Variants in SEZ6L observed in about 807,000 individuals in gnomAD.
The protein encoded by SEZ6L is seizure related 6 homolog like.
SEZ6L carries 37 observed loss-of-function variants against 106.2 expected under a neutral mutation model. That is an observed-to-expected ratio of 0.35 (90% CI 0.27 to 0.46). The LOEUF is 0.46. Ranked by LOEUF, SEZ6L falls within the 20% of genes least tolerant of loss-of-function variation. The pLI is 1.00. For missense variants in SEZ6L, 1,172 were observed against 1,332.8 expected, an observed-to-expected ratio of 0.88 and a Z score of 1.88; for synonymous variants, 541 against 570.4, an observed-to-expected ratio of 0.95 and a Z score of 0.73.
At chr22:26,327,625 AACAC>A (rs1323671734) in intron 9 of SEZ6L, among the ~76,000 whole-genome samples, 1 of 143,654 alleles carries the variant, frequency 7.0e-6, no homozygotes, top group Non-Finnish European at 1.5e-5. Context: ...CATGACACTA[AACAC>A]ACACCACACG....
Position 26,328,501 on chromosome 22 carries a change from C to G in SEZ6L, c.2016-11935C>G, listed in dbSNP as rs547622203. On this transcript the variant is annotated intron_variant, in intron 9 of 16. Transcript: ENST00000248933. ...GCTGCCTCTTGTGCTGGAGGTGAAA[C>G]ACCAGGGTAGTTAAGGACAGCCGTC... Among the ~76,000 whole-genome samples the G allele has an allele frequency of 2.0e-3, 308 of 152,238 alleles. 3 individuals are homozygous for G. Among genetic ancestry groups the G allele is most frequent in the African/African-American group, 6.9e-3 (287 of 41,534 alleles).
chr22:26,200,837 C>G (rs1038176373), intron 1 of SEZ6L, among the ~76,000 whole-genome samples: 1 of 152,170 alleles, frequency 6.6e-6, no homozygotes, highest in African/African-American at 2.4e-5. Flanking sequence ...TACAATCGCT[C>G]TCTGCTTGAA....
chr22:26,320,613 G>A (rs1601491926), intron 9 of SEZ6L, among the ~76,000 whole-genome samples: 1 of 152,214 alleles, frequency 6.6e-6, no homozygotes, highest in Non-Finnish European at 1.5e-5. Context: ...CAAGACAGAT[G>A]CAGCCCCGCC....
At chr22:26,346,589 C>T (rs2083015295) in intron 10 of SEZ6L, among the ~76,000 whole-genome samples, 1 of 152,164 alleles carries the variant, frequency 6.6e-6, no homozygotes, top group Non-Finnish European at 1.5e-5. Flanking sequence ...TCATGAGGCT[C>T]TGGTCAGGAT....
At chr22:26,228,447 T>G (rs76856893) in intron 1 of SEZ6L, among the ~76,000 whole-genome samples, 6,687 of 152,258 alleles carry the variant, frequency 0.044, 221 homozygotes, top group Non-Finnish European at 0.065. Context: ...CTGTGCCATT[T>G]GTCACTCCAC....
chr22:26,195,804 G>A (rs546841767), intron 1 of SEZ6L, among the ~76,000 whole-genome samples: 2,102 of 151,768 alleles, frequency 0.014, 45 homozygotes, highest in African/African-American at 0.047. Flanking sequence ...TATATATATA[G>A]TTTGTGTGTG....
At chr22:26,287,565 T>G (rs2080977810) in intron 1 of SEZ6L, among the ~76,000 whole-genome samples, 1 of 152,102 alleles carries the variant, frequency 6.6e-6, no homozygotes, top group Non-Finnish European at 1.5e-5. Flanking sequence ...TGGGGCAAGT[T>G]ATAAAGTTGC....
intron 1 of SEZ6L, among the ~76,000 whole-genome samples, chr22:26,218,761 ACT>A (rs1196017485): frequency 1.3e-5 from 2 of 152,102 alleles, no homozygotes; most frequent in African/African-American, 4.8e-5. Flanking sequence ...ACATGGTGAA[ACT>A]CTGTCTCTAC....
intron 1 of SEZ6L, among the ~76,000 whole-genome samples, chr22:26,212,003 G>A (rs1348733897): frequency 2.0e-5 from 3 of 152,010 alleles, no homozygotes; most frequent in African/African-American, 7.2e-5. Context: ...TAGACCTGAT[G>A]GCTGGGAAAG....
chr22:26,358,065 G>A (rs1022030271), intron 12 of SEZ6L, among the ~76,000 whole-genome samples: 3 of 152,182 alleles, frequency 2.0e-5, no homozygotes, highest in Non-Finnish European at 2.9e-5. Flanking sequence ...TGGCCAGACT[G>A]TGGCCACCGT....
chr22:26,295,988 G>T (rs2081290190), intron 3 of SEZ6L, among the ~76,000 whole-genome samples: 1 of 152,114 alleles, frequency 6.6e-6, no homozygotes, highest in African/African-American at 2.4e-5. Context: ...AAGATATAGG[G>T]CCTGAAGGAA....
intron 5 of SEZ6L, among the ~76,000 whole-genome samples, chr22:26,300,207 G>C (rs937711665): frequency 1.3e-5 from 2 of 152,036 alleles, no homozygotes; most frequent in African/African-American, 2.4e-5. Context: ...ACAACGTGCA[G>C]GTTTGTTACA....
intron 1 of SEZ6L, among the ~76,000 whole-genome samples, chr22:26,238,153 T>C (rs2079007124): frequency 2.0e-5 from 3 of 152,110 alleles, no homozygotes; most frequent in African/African-American, 7.2e-5. Context: ...AGGGCATTGG[T>C]CAGAGCAGGC....
rs142116283 is a variant in SEZ6L, at chr22:26,378,117, G to A, written c.3045+342G>A. The stretch of plus-strand genomic sequence containing the variant: ...CACTGGGCTCCACCCTTTATTCAAT[G>A]GCAGTGTGAAACATCCCTACACATT... On this transcript the variant is annotated intron_variant, in intron 16 of 16. Transcript: ENST00000248933. Among the ~76,000 whole-genome samples, 338 of 152,202 alleles carry A rather than the reference G, an allele frequency of 2.2e-3. 3 individuals carry two copies. Among genetic ancestry groups the A allele is most frequent in the Non-Finnish European group, 4.2e-3 (283 of 68,018 alleles).
intron 5 of SEZ6L, among the ~76,000 whole-genome samples, chr22:26,302,345 G>A (rs956672341): frequency 1.3e-5 from 2 of 152,146 alleles, no homozygotes; most frequent in Admixed American, 6.5e-5. Context: ...GGTTTGTAAC[G>A]CACTGTCCCT....
intron 1 of SEZ6L, among the ~76,000 whole-genome samples, chr22:26,230,001 C>T (rs1025150369): frequency 1.3e-5 from 2 of 152,210 alleles, no homozygotes; most frequent in Non-Finnish European, 1.5e-5. Context: ...GCATCATGTT[C>T]GTCAATAATC....
At chr22:26,201,459 G>T (rs1179724825) in intron 1 of SEZ6L, among the ~76,000 whole-genome samples, 1 of 151,984 alleles carries the variant, frequency 6.6e-6, no homozygotes, top group African/African-American at 2.4e-5. Flanking sequence ...TACTCGGGAG[G>T]CTGAGGCAGG....
intron 10 of SEZ6L, among the ~76,000 whole-genome samples, chr22:26,347,228 T>TG (rs1556369914): frequency 6.6e-6 from 1 of 150,676 alleles, no homozygotes; most frequent in Non-Finnish European, 1.5e-5. Context: ...ATGATGATGA[T>TG]AAGAATAATA....
chr22:26,354,388 A>AC (rs201124164), intron 12 of SEZ6L, among the ~76,000 whole-genome samples: 150 of 149,646 alleles, frequency 1.0e-3, no homozygotes, highest in African/African-American at 2.7e-3. Context: ...CGAAGGAAGG[A>AC]CCCCCCCCAA....
Sources: allele counts gnomAD v4.1 joint callset (sites outside exome capture counted in the v4.1 genomes callset), GRCh38; gene constraint gnomAD v4.1.1; transcripts MANE v1.5; gene names NCBI Gene and HGNC (gene_info 2026-07-23, HGNC 2026-07-21).